Variants in ARHGEF7 observed in about 807,000 individuals in gnomAD.
ARHGEF7 encodes the protein PAK-interacting exchange factor beta.
Under a neutral mutation model 109.8 loss-of-function variants are expected in ARHGEF7, and 33 were observed. The observed-to-expected ratio is 0.30, with a 90% CI of 0.23 to 0.40. The LOEUF (loss-of-function observed/expected upper bound fraction) is 0.40. Ranked by LOEUF, ARHGEF7 falls within the 10% of genes least tolerant of loss-of-function variation. ARHGEF7 has a pLI of 1.00. For synonymous variants in ARHGEF7, 458 were observed against 424.6 expected, an observed-to-expected ratio of 1.08 and a Z score of -0.97; for missense variants, 938 against 1,098.5, an observed-to-expected ratio of 0.85 and a Z score of 2.07.
At chr13:111,284,841 C>T (rs2092951462) in intron 16 of ARHGEF7, among the ~76,000 whole-genome samples, 1 of 152,200 alleles carries the variant, frequency 6.6e-6, no homozygotes, top group Admixed American at 6.5e-5. Context: ...GCTGTGTGCT[C>T]TGTGACCCTC....
At chr13:111,284,440 A>G (rs74691269) in intron 16 of ARHGEF7, among the ~76,000 whole-genome samples, 3,385 of 152,190 alleles carry the variant, frequency 0.022, 116 homozygotes, top group African/African-American at 0.076. Flanking sequence ...TCCATTTTCT[A>G]TCATGGGAAG....
At chr13:111,138,687 C>T (rs566234852) in intron 1 of ARHGEF7, among the ~76,000 whole-genome samples, 2 of 152,160 alleles carry the variant, frequency 1.3e-5, no homozygotes, top group African/African-American at 2.4e-5. Flanking sequence ...ACCAAAGACA[C>T]ATTGCTCAAT....
chr13:111,207,468 TA>T lies in ARHGEF7; in HGVS notation c.337+2098del, dbSNP rs200502432. Among the ~76,000 whole-genome samples, 1,028 of 152,340 alleles carry T rather than the reference TA, an allele frequency of 6.7e-3. 8 individuals are homozygous for T. Among genetic ancestry groups the T allele is most frequent in the Admixed American group, 7.8e-3 (120 of 15,298 alleles). On this transcript the variant is annotated intron_variant, in intron 3 of 21. Coordinates refer to ENST00000646102, the MANE Select transcript of ARHGEF7 (RefSeq NM_001354046.2). ...CAGGCTTATGCCACCATGCCTGTCC[TA>T]AATGATGTGCCTTATAATTAACGTA...
At chr13:111,193,428 G>A (rs890381507) in intron 2 of ARHGEF7, among the ~76,000 whole-genome samples, 6 of 152,082 alleles carry the variant, frequency 3.9e-5, no homozygotes, top group African/African-American at 1.4e-4. Flanking sequence ...TTACACTTTG[G>A]CAGTGTAAGA....
At chr13:111,120,474 C>CAA (rs765470819) in intron 1 of ARHGEF7, among the ~76,000 whole-genome samples, 2 of 116,618 alleles carry the variant, frequency 1.7e-5, no homozygotes, top group African/African-American at 6.6e-5. Context: ...CATGTAAATA[C>CAA]ACACACACAC....
chr13:111,301,011 C>T (rs573639571), intron 20 of ARHGEF7, among the ~76,000 whole-genome samples, 164 bp downstream of exon 20: 51 of 151,800 alleles, frequency 3.4e-4, no homozygotes, highest in African/African-American at 1.2e-3. Flanking sequence ...TGCAATGGTG[C>T]GATCTCAGCT....
At chr13:111,158,605 C>G (rs2076521619) in intron 2 of ARHGEF7, among the ~76,000 whole-genome samples, 1 of 152,200 alleles carries the variant, frequency 6.6e-6, no homozygotes, top group East Asian at 1.9e-4. Context: ...CTGCTCTTTT[C>G]TCATCCTCAC....
At chr13:111,128,066 T>G (rs1487197900) in intron 1 of ARHGEF7, among the ~76,000 whole-genome samples, 1 of 152,204 alleles carries the variant, frequency 6.6e-6, no homozygotes. Context: ...TTCCTCAACA[T>G]GCTAAGGGGC....
intron 2 of ARHGEF7, among the ~76,000 whole-genome samples, chr13:111,162,274 T>C (rs1435449766): frequency 6.6e-6 from 1 of 152,250 alleles, no homozygotes; most frequent in African/African-American, 2.4e-5. Flanking sequence ...CCACAGTGCT[T>C]TATATTTCTG....
chr13:111,225,580 A>G (rs1006494913), intron 5 of ARHGEF7, among the ~76,000 whole-genome samples: 3 of 151,092 alleles, frequency 2.0e-5, no homozygotes, highest in Admixed American at 6.6e-5. Context: ...TTCCAGCACC[A>G]TGTGCCCACT....
At chr13:111,133,195 A>G (rs1446684900) in intron 1 of ARHGEF7, among the ~76,000 whole-genome samples, 2 of 152,108 alleles carry the variant, frequency 1.3e-5, no homozygotes, top group Non-Finnish European at 2.9e-5. Context: ...GTATGTGTAT[A>G]TATGCGTGTA....
chr13:111,179,547 C>T (rs751067055), intron 2 of ARHGEF7, among the ~76,000 whole-genome samples: 2 of 152,098 alleles, frequency 1.3e-5, no homozygotes, highest in Admixed American at 6.5e-5. Flanking sequence ...GTTGTGTTGC[C>T]GTATGCTATA....
chr13:111,289,784 T>C (rs890707319), intron 18 of ARHGEF7, among the ~76,000 whole-genome samples: 1 of 116,810 alleles, frequency 8.6e-6, no homozygotes, highest in Admixed American at 8.7e-5. Context: ...ATCTCGATTA[T>C]CCAGAAGCTT....
At chr13:111,162,020 T>C (rs902769572) in intron 2 of ARHGEF7, among the ~76,000 whole-genome samples, 1 of 152,182 alleles carries the variant, frequency 6.6e-6, no homozygotes, top group Non-Finnish European at 1.5e-5. Flanking sequence ...TTGATTTTCT[T>C]TGTAGGACAA....
At chr13:111,296,358 G>C (rs953827151) in intron 19 of ARHGEF7, among the ~76,000 whole-genome samples, 1 of 152,160 alleles carries the variant, frequency 6.6e-6, no homozygotes, top group Non-Finnish European at 1.5e-5. Context: ...GAGTGTTGCT[G>C]TGGGGTCCTG....
At chr13:111,223,434 A>G (rs1411988508) in intron 5 of ARHGEF7, among the ~76,000 whole-genome samples, 2 of 152,246 alleles carry the variant, frequency 1.3e-5, no homozygotes, top group Non-Finnish European at 2.9e-5. Context: ...TTTGATGTAC[A>G]AATAGTTTTA....
At chr13:111,284,805 G>A (rs947949720) in intron 16 of ARHGEF7, among the ~76,000 whole-genome samples, 3 of 151,718 alleles carry the variant, frequency 2.0e-5, no homozygotes, top group Admixed American at 6.5e-5. Flanking sequence ...TCTGCAGCCC[G>A]CTCTGCCTGG....
intron 1 of ARHGEF7, 177 bp from the exon 2 acceptor site, chr13:111,153,728 A>G (rs1343070811): frequency 8.2e-6 from 11 of 1,334,304 alleles, no homozygotes; most frequent in Non-Finnish European, 1.0e-5. Context: ...AAGGGTGAGG[A>G]GAAGCAGCGG....
intron 8 of ARHGEF7, among the ~76,000 whole-genome samples, chr13:111,257,880 T>C (rs944613473): frequency 1.3e-5 from 2 of 152,246 alleles, no homozygotes; most frequent in Non-Finnish European, 2.9e-5. Flanking sequence ...AGACCAGTCC[T>C]AGCCAGAAGG....
Sources: gnomAD v4.1 joint callset for allele counts (sites outside exome capture counted in the v4.1 genomes callset) on GRCh38, gnomAD v4.1.1 for gene constraint, MANE v1.5 for transcripts, NCBI Gene and HGNC (gene_info 2026-07-23, HGNC 2026-07-21) for gene names.